RTN1: variants seen among roughly 807,000 people sequenced by gnomAD.
The protein encoded by RTN1 is reticulon-1.
In RTN1, 25 loss-of-function variants were observed where a neutral mutation model predicts 65.5. That is an observed-to-expected ratio of 0.38 (90% CI 0.28 to 0.53). RTN1 has a LOEUF of 0.53. Among genes scored for constraint, RTN1 ranks in the 20% least tolerant of loss-of-function variants. The pLI is 0.79. For missense variants in RTN1, 983 were observed against 1,025.4 expected, an observed-to-expected ratio of 0.96 and a Z score of 0.57; for synonymous variants, 471 against 447.6, an observed-to-expected ratio of 1.05 and a Z score of -0.66.
chr14:59,749,434 A>C (rs1438087482), intron 1 of RTN1, among the ~76,000 whole-genome samples: 1 of 102,456 alleles, frequency 9.8e-6, no homozygotes, highest in Non-Finnish European at 1.7e-5. Flanking sequence ...ATATCTATAT[A>C]TATCTATATC....
At chr14:59,721,911 T>C (rs1222670662) in intron 3 of RTN1, among the ~76,000 whole-genome samples, 1 of 152,204 alleles carries the variant, frequency 6.6e-6, no homozygotes, top group African/African-American at 2.4e-5. Flanking sequence ...TTTGTTGCTC[T>C]CCAATGGATG....
intron 1 of RTN1, among the ~76,000 whole-genome samples, chr14:59,763,168 G>A (rs1312832129): frequency 6.6e-6 from 1 of 152,170 alleles, no homozygotes; most frequent in African/African-American, 2.4e-5. Flanking sequence ...AATCAGAATA[G>A]AGTATAAAAG....
chr14:59,767,783 T>C (rs1273501131), intron 1 of RTN1, among the ~76,000 whole-genome samples: 1 of 152,236 alleles, frequency 6.6e-6, no homozygotes, highest in Non-Finnish European at 1.5e-5. Context: ...TCCCTTCCAA[T>C]GTTTTCATTG....
chr14:59,735,599 CA>C (rs1296187311), intron 2 of RTN1, among the ~76,000 whole-genome samples: 1 of 152,046 alleles, frequency 6.6e-6, no homozygotes, highest in Non-Finnish European at 1.5e-5. Flanking sequence ...TGGTTTCTGA[CA>C]AAGCAGATTT....
At chr14:59,717,034 C>T (rs1884551281) in intron 3 of RTN1, among the ~76,000 whole-genome samples, 1 of 151,300 alleles carries the variant, frequency 6.6e-6, no homozygotes. Flanking sequence ...TCATGGCAAC[C>T]ACTGGATGGC....
chr14:59,607,465 A>G lies in RTN1; in HGVS notation c.1793T>C (p.Ile598Thr), dbSNP rs1881796753. The change falls in exon 4 of 9, where the codon ATC (isoleucine) becomes ACC (threonine). Residue 598 changes from isoleucine (I) to threonine (T), a missense_variant. This residue lies in a region of RTN1 where 165 missense variants were observed against 223.6 expected (regional missense o/e 0.74). Coordinates refer to ENST00000267484, the MANE Select transcript of RTN1 (RefSeq NM_021136.3). ...CCCAAACACGATGCCCGTCTGCTTG[A>G]TGTCCCGCCAATACAACAGGTCAAT... ...KAIDLLYWRDIKQTGIVFGSF... is the reference protein window; with the variant it reads ...KAIDLLYWRDTKQTGIVFGSF... 1 of 1,602,370 alleles carries G rather than the reference A, an allele frequency of 6.2e-7. No homozygotes were observed. The highest frequency in any genetic ancestry group is 8.5e-7 in the Non-Finnish European group (1 of 1,174,024).
rs867432701 is a variant in RTN1 at position 59,814,773 on chromosome 14, A to C, written c.241+55617T>G. Among the ~76,000 whole-genome samples the C allele has an allele frequency of 2.0e-5, 3 of 152,210 alleles. No homozygotes were observed. The South Asian group carries it at 6.2e-4, about 32-fold the overall frequency. ...CTACTACAAGCAACCCAAACAAGGAAATGTACACAGAATGTATAAATGTTC... is the reference window on the plus strand; with the variant it reads ...CTACTACAAGCAACCCAAACAAGGACATGTACACAGAATGTATAAATGTTC... On this transcript the variant is annotated intron_variant, in intron 1 of 8. Transcript: ENST00000267484.
chr14:59,851,847 C>T (rs1432871300), intron 1 of RTN1, among the ~76,000 whole-genome samples: 2 of 132,984 alleles, frequency 1.5e-5, no homozygotes, highest in African/African-American at 5.7e-5. Context: ...CAGAGCAAGA[C>T]ACAGTCTCAA....
chr14:59,680,849 C>T (rs1050939239), intron 3 of RTN1, among the ~76,000 whole-genome samples: 23 of 152,028 alleles, frequency 1.5e-4, no homozygotes, highest in Non-Finnish European at 3.4e-4. Context: ...CATCTTTATG[C>T]TGTCATGAAA....
chr14:59,851,730 G>A (rs1194722832), intron 1 of RTN1, among the ~76,000 whole-genome samples: 4 of 151,840 alleles, frequency 2.6e-5, no homozygotes, highest in South Asian at 2.1e-4. Context: ...GGTGGCAAGC[G>A]CCTGTAGTCC....
chr14:59,728,727 G>A (rs1348846137), intron 2 of RTN1, among the ~76,000 whole-genome samples: 1 of 152,040 alleles, frequency 6.6e-6, no homozygotes, highest in Non-Finnish European at 1.5e-5. Context: ...AACCCCAAAT[G>A]GATAAAACAT....
At chr14:59,675,070 C>T (rs1252185743) in intron 3 of RTN1, among the ~76,000 whole-genome samples, 3 of 151,938 alleles carry the variant, frequency 2.0e-5, no homozygotes, top group African/African-American at 7.2e-5. Context: ...CACACACACA[C>T]ACACACAAAC....
intron 1 of RTN1, among the ~76,000 whole-genome samples, chr14:59,844,076 A>G (rs1420528616): frequency 6.6e-6 from 1 of 152,160 alleles, no homozygotes; most frequent in African/African-American, 2.4e-5. Context: ...AGGCTGGTTT[A>G]GCAATGGAGG....
chr14:59,759,022 C>T (rs899600653), intron 1 of RTN1, among the ~76,000 whole-genome samples: 2 of 152,100 alleles, frequency 1.3e-5, no homozygotes, highest in African/African-American at 4.8e-5. Flanking sequence ...AGAAGTGATG[C>T]TGGGTGGGTT....
intron 1 of RTN1, among the ~76,000 whole-genome samples, chr14:59,859,720 T>C (rs753477599): frequency 5.6e-4 from 85 of 152,340 alleles, no homozygotes; most frequent in Non-Finnish European, 8.8e-4. Flanking sequence ...GATAGCAATA[T>C]GGACAATAAG....
chr14:59,824,075 C>A (rs1376722820), intron 1 of RTN1, among the ~76,000 whole-genome samples: 3 of 152,226 alleles, frequency 2.0e-5, no homozygotes, highest in Non-Finnish European at 2.9e-5. Flanking sequence ...ATACCCACCT[C>A]TGCAGTGTTA....
chr14:59,699,361 C>T (rs966059948), intron 3 of RTN1, among the ~76,000 whole-genome samples: 2 of 151,674 alleles, frequency 1.3e-5, no homozygotes, highest in Admixed American at 6.6e-5. Context: ...ACTAGAATAC[C>T]TTTACTAGGA....
intron 2 of RTN1, among the ~76,000 whole-genome samples, chr14:59,740,217 G>A (rs1243547481): frequency 6.6e-6 from 1 of 152,174 alleles, no homozygotes; most frequent in Non-Finnish European, 1.5e-5. Context: ...TGGCACACCG[G>A]AGGTACGCAA....
chr14:59,820,138 G>C (rs1176986417), intron 1 of RTN1, among the ~76,000 whole-genome samples: 1 of 152,198 alleles, frequency 6.6e-6, no homozygotes, highest in Non-Finnish European at 1.5e-5. Context: ...GCATTTCTCT[G>C]ATGAGTGGTA....
Sources: allele counts gnomAD v4.1 joint callset (sites outside exome capture counted in the v4.1 genomes callset), GRCh38; gene constraint gnomAD v4.1.1; regional missense constraint gnomAD v4.1.1; transcripts MANE v1.5; gene names NCBI Gene and HGNC (gene_info 2026-07-23, HGNC 2026-07-21).